Variants in BTG4 observed in about 807,000 individuals in gnomAD.
The protein encoded by BTG4 is BTG anti-proliferation factor 4.
Under a neutral mutation model 19.3 loss-of-function variants are expected in BTG4, and 10 were observed. The ratio of observed to expected loss-of-function variants is 0.52; its 90% CI spans 0.32 to 0.88. The LOEUF is 0.88. Ranked by LOEUF, BTG4 falls within the 40% of genes least tolerant of loss-of-function variation. The pLI is 0.04. For missense variants in BTG4, 238 were observed against 281.9 expected (o/e 0.84, Z 1.11); for synonymous variants, 91 against 95.7 (o/e 0.95, Z 0.29).
At chr11:111,408,796 G>A in the BTG4 span, among the ~76,000 whole-genome samples, 1 of 152,224 alleles carries the variant, frequency 6.6e-6, no homozygotes, top group East Asian at 1.9e-4. Context: ...AACATACTGT[G>A]TGCCAGGCAC....
intron 5 of BTG4, among the ~76,000 whole-genome samples, chr11:111,489,503 T>C (rs531540935): frequency 1.2e-4 from 18 of 152,112 alleles, no homozygotes; most frequent in Non-Finnish European, 1.8e-4. Flanking sequence ...TGCAACCCTA[T>C]TGACAACAGC....
intron 4 of BTG4, among the ~76,000 whole-genome samples, chr11:111,496,322 G>A (rs1009135680): frequency 6.6e-5 from 10 of 151,976 alleles, no homozygotes; most frequent in East Asian, 3.8e-4. Flanking sequence ...ATGGTGTTTC[G>A]GCTGCATATT....
downstream of BTG4, among the ~76,000 whole-genome samples, chr11:111,465,551 C>T (rs1019658340): frequency 1.3e-5 from 2 of 152,124 alleles, no homozygotes; most frequent in African/African-American, 2.4e-5. Flanking sequence ...AACTGAAGCT[C>T]CTGGATAGGT....
At chr11:111,513,623 G>GA (rs999021151), upstream of BTG4, 4 of 389,802 alleles carry the variant, frequency 1.0e-5, no homozygotes, top group East Asian at 7.5e-5. Flanking sequence ...TCAGCCAAAA[G>GA]AAAAAAATCA....
the BTG4 span, among the ~76,000 whole-genome samples, chr11:111,396,046 C>T: frequency 6.6e-5 from 10 of 152,192 alleles, no homozygotes; most frequent in Non-Finnish European, 1.5e-4. Context: ...TGCCCCTCAA[C>T]CTTCTCCTCA....
At chr11:111,508,416 TAGGATC>T (rs965054790) in intron 1 of BTG4, among the ~76,000 whole-genome samples, 2 of 151,798 alleles carry the variant, frequency 1.3e-5, no homozygotes, top group Admixed American at 1.3e-4. Flanking sequence ...GGCAGGTAAG[TAGGATC>T]ATGGAGGACT....
the BTG4 span, chr11:111,454,209 A>T: frequency 2.3e-6 from 1 of 439,832 alleles, no homozygotes; most frequent in East Asian, 7.0e-5. Context: ...TCAGGAGGAT[A>T]ATCCTTCTTC....
chr11:111,456,771 T>G, the BTG4 span: 1 of 298,676 alleles, frequency 3.3e-6, no homozygotes, highest in Non-Finnish European at 7.0e-6. The surrounding 1 kb of genome is among the most constrained non-coding windows in gnomAD (Gnocchi z 4.2). Context: ...TATCCCCAAC[T>G]CAGCTCTGGG....
the BTG4 span, among the ~76,000 whole-genome samples, chr11:111,391,580 C>T: frequency 1.3e-5 from 2 of 152,148 alleles, no homozygotes; most frequent in Admixed American, 6.5e-5. Flanking sequence ...AGGCCTCTCA[C>T]ATTTCCAAGG....
chr11:111,476,970 A>G (rs568261538), intron 5 of BTG4, among the ~76,000 whole-genome samples: 2 of 152,306 alleles, frequency 1.3e-5, no homozygotes, highest in Admixed American at 1.3e-4. Context: ...ATTAAGCCAG[A>G]CACACAAGAC....
At chr11:111,464,164 T>C (rs376850158), downstream of BTG4, among the ~76,000 whole-genome samples, 1 of 151,962 alleles carries the variant, frequency 6.6e-6, no homozygotes, top group East Asian at 1.9e-4. Context: ...GCCCAGCTAA[T>C]TTTTTTGTAT....
At chr11:111,435,852 C>G in the BTG4 span, among the ~76,000 whole-genome samples, 20 of 152,288 alleles carry the variant, frequency 1.3e-4, no homozygotes, top group South Asian at 3.9e-3. Flanking sequence ...CCTCACTGAC[C>G]TGGGCCTCAG....
At chr11:111,387,109 T>C in the BTG4 span, among the ~76,000 whole-genome samples, 2 of 152,240 alleles carry the variant, frequency 1.3e-5, no homozygotes, top group African/African-American at 4.8e-5. Flanking sequence ...GCTAATTTTA[T>C]TGTACCATTC....
At chr11:111,504,081 A>G (rs1866274920) in intron 1 of BTG4, among the ~76,000 whole-genome samples, 1 of 152,116 alleles carries the variant, frequency 6.6e-6, no homozygotes. Context: ...TCCCTAAACT[A>G]CAAGTTATAT....
At chr11:111,502,329 T>C (rs74905811) in intron 1 of BTG4, among the ~76,000 whole-genome samples, 3,727 of 152,242 alleles carry the variant, frequency 0.024, 84 homozygotes, top group Middle Eastern at 0.086. Flanking sequence ...TTTTTAAAAG[T>C]TCCCCAAGCG....
At chr11:111,424,425 C>T in the BTG4 span, among the ~76,000 whole-genome samples, 1 of 152,248 alleles carries the variant, frequency 6.6e-6, no homozygotes, top group Non-Finnish European at 1.5e-5. Flanking sequence ...TCCTGCCCCA[C>T]AACTTGGCAT....
At position 111,498,632 on chromosome 11, in the gene BTG4, C is replaced by A. The variant is rs117589383; in HGVS notation, c.145G>T (p.Asp49Tyr). 6.2e-7 allele frequency: 1 copy of A among 1,613,518 alleles called. No individual in the cohort carries two copies. The highest frequency in any genetic ancestry group is 2.2e-5 in the East Asian group (1 of 44,870). ...FETYRSHWHS[D>Y]CPSKGQAFRC... ...AAGGCTTGCCCTTTAGAAGGGCAAT[C>A]AGAGTGCCAGTGACTTCTGTATGTT... Residue 49 changes from aspartate to tyrosine, a missense_variant, in exon 2 of 5, where the codon GAT (aspartate) becomes TAT (tyrosine). Physicochemically the swap from Asp to Tyr is radical, Grantham distance 160. Coordinates refer to ENST00000692032, the MANE Select transcript of BTG4 (RefSeq NM_001367975.1).
chr11:111,486,947 G>A (rs1865102026), intron 5 of BTG4, among the ~76,000 whole-genome samples: 1 of 151,878 alleles, frequency 6.6e-6, no homozygotes, highest in African/African-American at 2.4e-5. Context: ...CCATGCATTA[G>A]CATTTTATCC....
intron 1 of BTG4, among the ~76,000 whole-genome samples, chr11:111,509,065 C>T (rs1470378763): frequency 6.6e-6 from 1 of 151,960 alleles, no homozygotes; most frequent in Non-Finnish European, 1.5e-5. Flanking sequence ...ATACTGAAAG[C>T]AACAGTATTG....
Sources: allele counts gnomAD v4.1 joint callset (sites outside exome capture counted in the v4.1 genomes callset), GRCh38; gene constraint gnomAD v4.1.1; non-coding constraint Gnocchi (gnomAD v3.1); transcripts MANE v1.5; gene names NCBI Gene and HGNC (gene_info 2026-07-23, HGNC 2026-07-21).